The following CLIC5 variants were observed in gnomAD, a reference collection of about 807,000 sequenced individuals.
CLIC5 encodes chloride intracellular channel protein 5.
In CLIC5, 20 loss-of-function variants were observed where a neutral mutation model predicts 24.7. That is an observed-to-expected ratio of 0.81 (90% CI 0.57 to 1.18). The LOEUF is 1.18. Ranked by LOEUF, CLIC5 falls within the 50% of genes most tolerant of loss-of-function variation. CLIC5 has a pLI of 0.00. For synonymous variants in CLIC5, 159 were observed against 135.6 expected (o/e 1.17, Z -1.20); for missense variants, 341 against 326.1 (o/e 1.05, Z -0.35).
chr6:46,060,701 C>G lies in CLIC5; in HGVS notation c.540+19002G>C, dbSNP rs536413160. ...TGAGGCCTGGAATCTCTTCCCTGAT[C>G]CTACCTGCCACCCTGGTGCCTGCAT... On this transcript the variant is annotated intron_variant, in intron 1 of 5. Coordinates refer to the CLIC5 transcript ENST00000185206. Among the ~76,000 whole-genome samples, 33 of 152,114 alleles carry G rather than the reference C, an allele frequency of 2.2e-4. 1 individual carries two copies. In the South Asian group the frequency reaches 6.6e-3, roughly 31 times the overall value.
intron 2 of CLIC5, among the ~76,000 whole-genome samples, chr6:45,952,652 G>A (rs1485621346): frequency 6.6e-6 from 1 of 152,200 alleles, no homozygotes; most frequent in Non-Finnish European, 1.5e-5. Context: ...GGGGCAGTAA[G>A]AAAGTTTCCT....
At chr6:45,992,917 C>A (rs1765993839) in intron 1 of CLIC5, among the ~76,000 whole-genome samples, 1 of 152,066 alleles carries the variant, frequency 6.6e-6, no homozygotes, top group Non-Finnish European at 1.5e-5. Flanking sequence ...ATATGTGCAT[C>A]TGTGTGTGTG....
At chr6:46,006,305 C>T (rs892010250) in intron 1 of CLIC5, among the ~76,000 whole-genome samples, 1 of 151,398 alleles carries the variant, frequency 6.6e-6, no homozygotes, top group Non-Finnish European at 1.5e-5. Flanking sequence ...CCACCATGTC[C>T]AGCTAATTTT....
intron 3 of CLIC5, among the ~76,000 whole-genome samples, 197 bp downstream of exon 3, chr6:45,949,059 T>C (rs1764380421): frequency 6.6e-6 from 1 of 152,072 alleles, no homozygotes; most frequent in African/African-American, 2.4e-5. Flanking sequence ...TATCTACTCT[T>C]GAGTGGATTT....
chr6:45,978,682 C>T (rs1266742277), intron 1 of CLIC5, among the ~76,000 whole-genome samples: 4 of 152,120 alleles, frequency 2.6e-5, no homozygotes, highest in African/African-American at 2.4e-5. Context: ...TGAGGCTGGG[C>T]GCAGTGGCTC....
intron 1 of CLIC5, among the ~76,000 whole-genome samples, chr6:45,989,604 C>G (rs1363162888): frequency 6.6e-6 from 1 of 152,126 alleles, no homozygotes; most frequent in Non-Finnish European, 1.5e-5. Context: ...TTTGAATGGT[C>G]AAGTGAGAAA....
chr6:46,026,048 G>T (rs1459117090), intron 1 of CLIC5, among the ~76,000 whole-genome samples: 1 of 152,218 alleles, frequency 6.6e-6, no homozygotes, highest in Non-Finnish European at 1.5e-5. Flanking sequence ...TATGAGAACG[G>T]ACTGATATAG....
At chr6:46,026,875 C>T (rs1767345206) in intron 1 of CLIC5, among the ~76,000 whole-genome samples, 1 of 152,070 alleles carries the variant, frequency 6.6e-6, no homozygotes, top group Non-Finnish European at 1.5e-5. Flanking sequence ...AAAGATGCTC[C>T]TTGTCTAAGT....
At chr6:45,929,093 C>T (rs547259468) in intron 4 of CLIC5, among the ~76,000 whole-genome samples, 7 of 152,152 alleles carry the variant, frequency 4.6e-5, no homozygotes, top group African/African-American at 7.2e-5. Context: ...AATGAATGCG[C>T]CCACCCACGC....
chr6:45,949,110 A>T, intron 3 of CLIC5, 146 bp downstream of exon 3: 1 of 1,082,190 alleles, frequency 9.2e-7, no homozygotes, highest in Non-Finnish European at 1.3e-6. Flanking sequence ...TGGGGGTCCT[A>T]GGCTCTCTCT....
chr6:45,919,920 T>A (rs980722984), intron 4 of CLIC5, among the ~76,000 whole-genome samples: 5 of 152,176 alleles, frequency 3.3e-5, no homozygotes, highest in African/African-American at 1.2e-4. Flanking sequence ...AGCTCTATTA[T>A]AATTTAGGTG....
At chr6:46,047,517 A>C (rs1185780774) in intron 1 of CLIC5, among the ~76,000 whole-genome samples, 1 of 152,236 alleles carries the variant, frequency 6.6e-6, no homozygotes, top group Non-Finnish European at 1.5e-5. Flanking sequence ...TTGTAAACAG[A>C]GGATCTAGTT....
At chr6:45,903,650 G>T (rs544821990) in intron 5 of CLIC5, among the ~76,000 whole-genome samples, 95 of 152,206 alleles carry the variant, frequency 6.2e-4, no homozygotes, top group African/African-American at 1.9e-3. Flanking sequence ...ATAGTGGAGG[G>T]ACATTAAAAA....
intron 1 of CLIC5, among the ~76,000 whole-genome samples, chr6:46,034,697 T>C (rs6458485): frequency 0.016 from 2,402 of 152,336 alleles, 72 homozygotes; most frequent in African/African-American, 0.056. Context: ...CTTAGCTTCA[T>C]TGGACAGTTC....
intron 1 of CLIC5, among the ~76,000 whole-genome samples, chr6:46,042,757 G>A (rs78326914): frequency 3.9e-5 from 6 of 152,218 alleles, no homozygotes; most frequent in Admixed American, 2.6e-4. Context: ...ATTGAGTCTC[G>A]GTTCCTGTTT....
intron 1 of CLIC5, among the ~76,000 whole-genome samples, chr6:45,958,423 T>C (rs1160586356): frequency 4.5e-4 from 2 of 4,486 alleles, no homozygotes; most frequent in Non-Finnish European, 1.8e-3. Context: ...AAAAGACAAT[T>C]ATATATATAT....
At chr6:46,117,811 AT>A in the CLIC5 span, among the ~76,000 whole-genome samples, 1 of 48,698 alleles carries the variant, frequency 2.1e-5, no homozygotes, top group Non-Finnish European at 6.7e-5. Context: ...TCTAAAATAG[AT>A]TTTTTTTCAC....
intron 1 of CLIC5, among the ~76,000 whole-genome samples, chr6:46,042,367 G>T (rs1283536958): frequency 2.0e-5 from 3 of 151,582 alleles, no homozygotes; most frequent in African/African-American, 7.3e-5. Context: ...AGTTCTGTAG[G>T]TTTTTTTTGT....
At chr6:45,933,457 A>G (rs563675567) in intron 4 of CLIC5, among the ~76,000 whole-genome samples, 1 of 152,362 alleles carries the variant, frequency 6.6e-6, no homozygotes, top group South Asian at 2.1e-4. Context: ...TTTGGAAAAC[A>G]TGGCCACTGC....
Sources: allele counts gnomAD v4.1 joint callset (sites outside exome capture counted in the v4.1 genomes callset), GRCh38; gene constraint gnomAD v4.1.1; transcripts MANE v1.5; gene names NCBI Gene and HGNC (gene_info 2026-07-23, HGNC 2026-07-21).